RYR1: variants seen among roughly 807,000 people sequenced by gnomAD.
The protein encoded by RYR1 is central core disease of muscle.
RYR1 carries 342 observed loss-of-function variants against 583.5 expected under a neutral mutation model. The observed-to-expected ratio is 0.59, with a 90% CI of 0.54 to 0.64. The LOEUF is 0.64. Ranked by LOEUF, RYR1 falls within the 30% of genes least tolerant of loss-of-function variation. The pLI, the probability that RYR1 is intolerant of heterozygous loss-of-function variation, is 0.00. For missense variants in RYR1, 6,032 were observed against 6,917.2 expected (o/e 0.87, Z 4.54); for synonymous variants, 2,791 against 2,822.5 (o/e 0.99, Z 0.35).
intron 89 of RYR1, among the ~76,000 whole-genome samples, chr19:38,556,072 C>T (rs1972866073): frequency 6.6e-6 from 1 of 152,072 alleles, no homozygotes; most frequent in African/African-American, 2.4e-5. Context: ...CCATGTTGGC[C>T]AGGGTAGTCT....
rs769754169 is a variant in RYR1 at position 38,527,632 on chromosome 19, T to G, written c.10687-15T>G. On this transcript the variant is annotated splice_polypyrimidine_tract_variant and intron_variant, in intron 72 of 105. Coordinates refer to ENST00000359596, the MANE Select transcript of RYR1 (RefSeq NM_000540.3). ...AGGGTCCCTCACGCCGGCCACTCCTTCTTCCTCCCTTCAGGTCGAAGGCTC... is the reference window on the plus strand; with the variant it reads ...AGGGTCCCTCACGCCGGCCACTCCTGCTTCCTCCCTTCAGGTCGAAGGCTC... The G allele has an allele frequency of 6.2e-7, 1 of 1,613,760 alleles. No individual in the cohort carries two copies. The highest frequency in any genetic ancestry group is 8.5e-7 in the Non-Finnish European group (1 of 1,179,920).
At chr19:38,528,228 G>T in intron 73 of RYR1, 78 bp from the exon 74 acceptor site, 1 of 1,202,666 alleles carries the variant, frequency 8.3e-7, no homozygotes, top group Non-Finnish European at 1.2e-6. Context: ...CTTCGACACA[G>T]CTGGGCAGTT....
At chr19:38,528,274 G>A in intron 73 of RYR1, 32 bp from the exon 74 acceptor site, 2 of 1,579,900 alleles carry the variant, frequency 1.3e-6, no homozygotes, top group Non-Finnish European at 1.7e-6. Flanking sequence ...GCAGGGTCTG[G>A]GGATGTGACT....
In RYR1 at chr19:38,457,364, C is replaced by T; in HGVS notation, c.1792-133C>T. The T allele has an allele frequency of 4.0e-6, 5 of 1,255,358 alleles. No homozygotes were observed. In the Admixed American group the frequency reaches 5.1e-5, roughly 13 times the overall value. The allele number at this position is 1,255,358 out of a possible 1,614,324, so 77.8% of individuals were successfully genotyped here. A position where few individuals can be genotyped will look rare whatever the true frequency, so the allele number is the denominator to read the frequency against. On this transcript the variant is annotated intron_variant, in intron 16 of 105. Coordinates refer to ENST00000359596, the MANE Select transcript of RYR1 (RefSeq NM_000540.3). ...CCCTGACCTTCCACTTTCACCACCT[C>T]CTCTCAGTCAAAATTGCCACATCTT... is the stretch of plus-strand genomic sequence containing the variant.
chr19:38,519,928 C>T lies in RYR1; in HGVS notation c.10259+474C>T, dbSNP rs950313404. On this transcript the variant is annotated intron_variant, in intron 67 of 105. Coordinates refer to ENST00000359596, the MANE Select transcript of RYR1 (RefSeq NM_000540.3). ...TCTTGACCTCATGATTTGCCTGCCT[C>T]GGCCTCCCAAAGTGCTGGGATTACA... Among the ~76,000 whole-genome samples, 10 of 152,036 alleles carry T rather than the reference C, an allele frequency of 6.6e-5. No homozygotes were observed. In the South Asian group the frequency reaches 8.3e-4, roughly 13 times the overall value.
intron 31 of RYR1, 46 bp from the exon 32 acceptor site, chr19:38,482,981 C>G: frequency 6.5e-7 from 1 of 1,547,814 alleles, no homozygotes; most frequent in South Asian, 1.1e-5. Context: ...TCAACCCTCC[C>G]TCCAGCCCAC....
chr19:38,502,798 C>CAGGGGCAGGGGG lies in RYR1; in HGVS notation c.7835+75_7836-67dup, dbSNP rs1212874413. 507 of 766,382 alleles carry CAGGGGCAGGGGG rather than the reference C, an allele frequency of 6.6e-4. 13 individuals are homozygous for CAGGGGCAGGGGG. Among genetic ancestry groups the CAGGGGCAGGGGG allele is most frequent in the Non-Finnish European group, 8.1e-4 (466 of 577,870 alleles). 47.5% of individuals were successfully genotyped at this position (766,382 alleles called of 1,614,324 possible). A position where few individuals can be genotyped will look rare whatever the true frequency, so the allele number is the denominator to read the frequency against. On this transcript the variant is annotated intron_variant, in intron 48 of 105. Coordinates refer to ENST00000359596, the MANE Select transcript of RYR1 (RefSeq NM_000540.3). ...GCAGGGGCAGGGGCAGGGGCAGGGG[C>CAGGGGCAGGGGG]AGGGGCAGGGGGAGGAGCAGGGGCA...
chr19:38,466,615 C>A (rs1184701987), intron 24 of RYR1, among the ~76,000 whole-genome samples: 1 of 151,882 alleles, frequency 6.6e-6, no homozygotes, highest in African/African-American at 2.4e-5. Flanking sequence ...CATTCTCCTG[C>A]CTCAGCCTTC....
chr19:38,488,424 A>ATC (rs1056313290), intron 34 of RYR1, among the ~76,000 whole-genome samples: 5 of 150,552 alleles, frequency 3.3e-5, no homozygotes, highest in East Asian at 2.0e-4. Flanking sequence ...CCATTCATCC[A>ATC]TCTCTCTCTC....
chr19:38,467,709 C>T lies in RYR1; in HGVS notation c.3278C>T (p.Ala1093Val), dbSNP rs1968183211. The T allele has an allele frequency of 6.2e-7, 1 of 1,614,088 alleles. No homozygotes were observed. The highest frequency in any genetic ancestry group is 1.1e-5 in the South Asian group (1 of 91,094). ...QSGRWYFEFEAVTTGEMRVGW... is the reference protein window; with the variant it reads ...QSGRWYFEFEVVTTGEMRVGW... Reference sequence around the variant, plus strand: ...GGCCGCTGGTACTTCGAGTTTGAAGCAGTCACCACAGGCGAGATGCGCGTG... The same window carrying T: ...GGCCGCTGGTACTTCGAGTTTGAAGTAGTCACCACAGGCGAGATGCGCGTG... Residue 1093 changes from alanine to valine, a missense_variant, in exon 25 of 106, where the codon GCA becomes GTA. Ala to Val is a moderately conservative substitution (Grantham distance 64). This residue lies in a region of RYR1 where 2,627 missense variants were observed against 2,961.3 expected (regional missense o/e 0.89). Transcript: ENST00000359596.
intron 96 of RYR1, among the ~76,000 whole-genome samples, chr19:38,575,043 A>C (rs2145879353): frequency 6.6e-6 from 1 of 151,752 alleles, no homozygotes; most frequent in Non-Finnish European, 1.5e-5. Context: ...CCGTCTCAAA[A>C]AAAAAAAAAA....
chr19:38,551,603 TC>T (rs1454020696), intron 89 of RYR1, among the ~76,000 whole-genome samples: 3 of 152,130 alleles, frequency 2.0e-5, no homozygotes, highest in Non-Finnish European at 4.4e-5. Context: ...CTTGCCGGCT[TC>T]CGTCCCTGTC....
chr19:38,557,497 G>T (rs1474197027), intron 89 of RYR1, among the ~76,000 whole-genome samples: 2 of 152,238 alleles, frequency 1.3e-5, no homozygotes, highest in Non-Finnish European at 2.9e-5. Context: ...GGACAGCGAA[G>T]CTGAGAGTTG....
chr19:38,469,555 A>C (rs1298470618), intron 27 of RYR1, 42 bp downstream of exon 27: 1 of 1,570,886 alleles, frequency 6.4e-7, no homozygotes, highest in Non-Finnish European at 8.8e-7. Flanking sequence ...CTGCCTCCAA[A>C]GCTCCTTCCT....
At chr19:38,461,615 A>C (rs1416724508) in intron 20 of RYR1, among the ~76,000 whole-genome samples, 1 of 151,464 alleles carries the variant, frequency 6.6e-6, no homozygotes, top group Non-Finnish European at 1.5e-5. Context: ...AGTCCCAGCT[A>C]CTTGGGAGGC....
intron 58 of RYR1, among the ~76,000 whole-genome samples, chr19:38,510,236 G>A (rs991391752): frequency 2.6e-5 from 4 of 152,146 alleles, no homozygotes; most frequent in South Asian, 2.1e-4. Flanking sequence ...CAGGAGAATC[G>A]CTTGAACTCA....
In RYR1 at chr19:38,473,305, G is replaced by T. The variant is rs1480996282; in HGVS notation, c.3766-72G>T. On this transcript the variant is annotated intron_variant, in intron 27 of 105. Transcript: ENST00000359596. Reference sequence around the variant, plus strand: ...ATGGCCTAATGGTGGCTCCGTGTGTGACCAGGTGTAGGACCAACGGCCTGG... The same window carrying T: ...ATGGCCTAATGGTGGCTCCGTGTGTTACCAGGTGTAGGACCAACGGCCTGG... 3 of 1,577,444 alleles carry T rather than the reference G, an allele frequency of 1.9e-6. No homozygotes were observed. The African/African-American group carries it at 4.0e-5, about 21-fold the overall frequency.
chr19:38,576,180 G>C (rs368334295), intron 97 of RYR1, among the ~76,000 whole-genome samples: 1 of 152,172 alleles, frequency 6.6e-6, no homozygotes, highest in East Asian at 1.9e-4. Context: ...AAGGCCAAGC[G>C]TGGTGGCTCA....
At position 38,496,493 on chromosome 19, in the gene RYR1, A is replaced by T. The variant is rs1481773106; in HGVS notation, c.6748A>T (p.Met2250Leu). Residue 2250 changes from methionine (M) to leucine (L), a missense_variant, in exon 41 of 106, where the codon ATG becomes TTG. Met to Leu is a conservative substitution (Grantham distance 15). Transcript: ENST00000359596. This position sits in a 1 kb window ranked among gnomAD's most constrained non-coding sequence, Gnocchi z 4.8. ...AATCAGCCGGCAGAACCAGCGCTCC[A>T]TGTTTGACCACCTGAGCTACCTGCT... Reference protein sequence around the residue: ...CRISRQNQRSMFDHLSYLLEN... With the variant: ...CRISRQNQRSLFDHLSYLLEN... 1 of 1,613,598 alleles carries T rather than the reference A, an allele frequency of 6.2e-7. No individual in the cohort carries two copies. Among genetic ancestry groups the T allele is most frequent in the South Asian group, 1.1e-5 (1 of 91,072 alleles).
Sources: gnomAD v4.1 joint callset for allele counts (sites outside exome capture counted in the v4.1 genomes callset) on GRCh38, gnomAD v4.1.1 for gene constraint, gnomAD v4.1.1 regional missense constraint, Gnocchi (gnomAD v3.1) non-coding constraint, MANE v1.5 for transcripts, NCBI Gene and HGNC (gene_info 2026-07-23, HGNC 2026-07-21) for gene names.